ADCK2: variants seen among roughly 807,000 people sequenced by gnomAD.
The protein encoded by ADCK2 is uncharacterized aarF domain-containing protein kinase 2.
A neutral mutation model predicts 52.3 loss-of-function variants in ADCK2; 37 were observed. The ratio of observed to expected loss-of-function variants is 0.71; its 90% CI spans 0.54 to 0.93. The LOEUF is 0.93. Ranked by LOEUF, ADCK2 falls within the 40% of genes least tolerant of loss-of-function variation. The pLI is 0.00. For synonymous variants in ADCK2, 321 were observed against 349.2 expected (o/e 0.92, Z 0.90); for missense variants, 695 against 798.7 (o/e 0.87, Z 1.56).
Position 140,687,155 on chromosome 7 carries a change from C to T in ADCK2, c.1471C>T (p.Leu491=), listed in dbSNP as rs766688369. Residue 491 remains leucine, a synonymous_variant, in exon 5 of 8, where the codon CTG becomes TTG. Transcript: ENST00000072869. ...PSSLCPLRLV[L]LDAGIVAELQ... is the part of the protein sequence containing the mutation. ...TTCCCTCTGCCCGCTGCGACTGGTG[C>T]TGCTGGATGCTGGCATTGTGGCGGA... 6.2e-7 allele frequency: 1 copy of T among 1,610,898 alleles called. No homozygotes were observed.
chr7:140,674,613 GT>G lies in ADCK2; in HGVS notation c.938del (p.Leu313CysfsTer15). Reference sequence around the variant, plus strand: ...CTCACGGTTCCTCTTTCTGACAGGTGTTGCACCCTGGCCTGCTCGCTCAGGT... The same window carrying G: ...CTCACGGTTCCTCTTTCTGACAGGTGTGCACCCTGGCCTGCTCGCTCAGGT... Reference protein sequence around the residue: ...TNLISVAVKVLHPGLLAQVHM... With the variant: ...TNLISVAVKVXHPGLLAQVHM... On this transcript the variant is annotated frameshift_variant, in exon 2 of 8. Coordinates refer to ENST00000072869, the MANE Select transcript of ADCK2 (RefSeq NM_052853.4). LOFTEE classifies it high-confidence loss of function. This position sits in a 1 kb window ranked among gnomAD's most constrained non-coding sequence, Gnocchi z 4.6. The G allele has an allele frequency of 6.2e-7, 1 of 1,612,604 alleles. No homozygotes were observed. The highest frequency in any genetic ancestry group is 2.2e-5 in the East Asian group (1 of 44,822).
intron 2 of ADCK2, among the ~76,000 whole-genome samples, chr7:140,677,176 G>A (rs1027677743): frequency 5.9e-5 from 9 of 152,172 alleles, no homozygotes; most frequent in Non-Finnish European, 1.0e-4. Flanking sequence ...GGGAGGCGGC[G>A]TCAGGTGGAT....
intron 5 of ADCK2, among the ~76,000 whole-genome samples, chr7:140,688,973 A>AT (rs1430149254): frequency 4.7e-4 from 70 of 147,686 alleles, no homozygotes; most frequent in African/African-American, 9.1e-4. Flanking sequence ...TAATTAATTA[A>AT]TTTTTTTTTT....
At chr7:140,686,524 G>A (rs767662038) in intron 4 of ADCK2, among the ~76,000 whole-genome samples, 16 of 152,134 alleles carry the variant, frequency 1.1e-4, no homozygotes, top group African/African-American at 2.7e-4. Context: ...CAAGTGATCC[G>A]CCCACCTCAG....
Position 140,674,619 on chromosome 7 carries a change from C to A in ADCK2, c.942C>A (p.His314Gln). The A allele has an allele frequency of 6.2e-7, 1 of 1,613,380 alleles. No homozygotes were observed. The highest frequency in any genetic ancestry group is 8.5e-7 in the Non-Finnish European group (1 of 1,179,770). ...GTTCCTCTTTCTGACAGGTGTTGCA[C>A]CCTGGCCTGCTCGCTCAGGTGCATA... ...NLISVAVKVL[H>Q]PGLLAQVHMD... Residue 314 changes from histidine to glutamine, a missense_variant, in exon 2 of 8, where the codon CAC becomes CAA. His to Gln is a conservative substitution (Grantham distance 24). Transcript: ENST00000072869. This position sits in a 1 kb window ranked among gnomAD's most constrained non-coding sequence, Gnocchi z 4.6.
chr7:140,691,650 C>A (rs1163071345), intron 7 of ADCK2, among the ~76,000 whole-genome samples: 2 of 152,200 alleles, frequency 1.3e-5, no homozygotes, highest in Non-Finnish European at 2.9e-5. Context: ...CTCCGGCACT[C>A]TTTAAACTAA....
Position 140,674,216 on chromosome 7 carries a change from C to T in ADCK2, c.886C>T (p.Pro296Ser), listed in dbSNP as rs1306675992. 1.4e-5 allele frequency: 22 copies of T among 1,613,766 alleles called. No homozygotes were observed. Among genetic ancestry groups the T allele is most frequent in the Non-Finnish European group, 1.8e-5 (21 of 1,179,968 alleles). The part of the protein sequence containing the change: ...SNAGVSRAQV[P>S]GHQPEATNLI... ...TGCAGGGGTGTCTCGGGCTCAGGTC[C>T]CTGGCCACCAACCTGAGGCCACCAA... The change falls in exon 1 of 8, where the codon CCT (proline) becomes TCT (serine). Residue 296 changes from proline (P) to serine (S), a missense_variant. By Grantham distance (74) the Pro-to-Ser change is moderately conservative (BLOSUM62 -1). Transcript: ENST00000072869. The surrounding 1 kb of genome is among the most constrained non-coding windows in gnomAD (Gnocchi z 4.6).
chr7:140,686,889 T>C, intron 4 of ADCK2, 101 bp from the exon 5 acceptor site: 2 of 1,485,092 alleles, frequency 1.3e-6, no homozygotes, highest in East Asian at 2.3e-5. Context: ...GCGGCTGTGA[T>C]AGAGTGCTGG....
chr7:140,674,480 G>A lies in ADCK2; in HGVS notation c.934-131G>A. Reference sequence around the variant, plus strand: ...AGTCTGGAGTGAACTAACTGCTTGGGTGTCGGGACCACATCCTCTTTTCTT... The same window carrying A: ...AGTCTGGAGTGAACTAACTGCTTGGATGTCGGGACCACATCCTCTTTTCTT... On this transcript the variant is annotated intron_variant, in intron 1 of 7. Transcript: ENST00000072869. The surrounding 1 kb of genome is among the most constrained non-coding windows in gnomAD (Gnocchi z 4.6). 7.3e-6 allele frequency: 9 copies of A among 1,225,278 alleles called. No individual in the cohort carries two copies. Among genetic ancestry groups the A allele is most frequent in the Non-Finnish European group, 1.0e-5 (9 of 899,218 alleles). The allele number at this position is 1,225,278 out of a possible 1,614,324, so 75.9% of individuals were successfully genotyped here.
At chr7:140,690,705 T>A in intron 6 of ADCK2, 55 bp from the exon 7 acceptor site, 1 of 1,552,834 alleles carries the variant, frequency 6.4e-7, no homozygotes, top group Non-Finnish European at 8.8e-7. Context: ...TGGTGGGAAA[T>A]GAGCGGTTCT....
intron 7 of ADCK2, among the ~76,000 whole-genome samples, chr7:140,692,806 A>G (rs56266803): frequency 0.028 from 4,242 of 152,374 alleles, 93 homozygotes; most frequent in Non-Finnish European, 0.041. Context: ...CATTTAATGT[A>G]GCCAGTAAGG....
chr7:140,675,733 GC>G (rs1279323765), intron 2 of ADCK2, among the ~76,000 whole-genome samples: 1 of 152,208 alleles, frequency 6.6e-6, no homozygotes, highest in Non-Finnish European at 1.5e-5. Flanking sequence ...CATTATTTCT[GC>G]CATAATCAAT....
intron 5 of ADCK2, among the ~76,000 whole-genome samples, chr7:140,687,851 C>T (rs866314667): frequency 3.4e-4 from 51 of 150,634 alleles, no homozygotes; most frequent in African/African-American, 1.1e-3. Flanking sequence ...CTACTGCAGC[C>T]TGGGTGACAG....
intron 6 of ADCK2, 80 bp downstream of exon 6, chr7:140,689,805 A>G: frequency 2.9e-6 from 4 of 1,390,486 alleles, no homozygotes; most frequent in Non-Finnish European, 3.8e-6. Flanking sequence ...TCTAAGGGAG[A>G]CCTCTTTATG....
chr7:140,694,241 G>A (rs1794757177), intron 7 of ADCK2, among the ~76,000 whole-genome samples: 1 of 152,158 alleles, frequency 6.6e-6, no homozygotes, highest in African/African-American at 2.4e-5. Context: ...CTATGATCTT[G>A]CCATTGCACT....
intron 3 of ADCK2, 146 bp downstream of exon 3, chr7:140,679,429 C>T (rs758852988): frequency 4.6e-5 from 56 of 1,227,864 alleles, no homozygotes; most frequent in Middle Eastern, 2.9e-4. Flanking sequence ...TTGGCCTCGG[C>T]GGGAGGCAGT....
At chr7:140,689,125 G>T (rs1461813080) in intron 5 of ADCK2, among the ~76,000 whole-genome samples, 1 of 151,776 alleles carries the variant, frequency 6.6e-6, no homozygotes, top group Non-Finnish European at 1.5e-5. Context: ...CCACCACCAT[G>T]CCCGGCTAAT....
Position 140,675,873 on chromosome 7 carries a change from C to G in ADCK2, c.1080+1116C>G, listed in dbSNP as rs573099899. 9.8e-5 allele frequency among the ~76,000 whole-genome samples: 15 copies of G among 152,308 alleles called. No homozygotes were observed. The East Asian group carries it at 2.5e-3, about 25-fold the overall frequency. ...CCCTTGGGACCTTTGTATAAGGATACAGACTTAGCAAACACACTGGGGTGG... is the reference window on the plus strand; with the variant it reads ...CCCTTGGGACCTTTGTATAAGGATAGAGACTTAGCAAACACACTGGGGTGG... On this transcript the variant is annotated intron_variant, in intron 2 of 7. Transcript: ENST00000072869.
chr7:140,673,435 C>T lies in ADCK2; in HGVS notation c.105C>T (p.Arg35=), dbSNP rs557689792. 1.2e-6 allele frequency: 2 copies of T among 1,605,014 alleles called. No individual in the cohort carries two copies. Among genetic ancestry groups the T allele is most frequent in the Admixed American group, 1.7e-5 (1 of 59,008 alleles). Residue 35 remains arginine (R), a synonymous_variant, in exon 1 of 8, where the codon CGC becomes CGT. Coordinates refer to ENST00000072869, the MANE Select transcript of ADCK2 (RefSeq NM_052853.4). The surrounding 1 kb of genome is among the most constrained non-coding windows in gnomAD (Gnocchi z 6.4). ...LSLLRPSECP[R]DARLCWLLLG... ...TCCTGAGGCCCTCCGAGTGCCCTCGCGATGCCAGGCTCTGCTGGCTTCTGC... is the reference window on the plus strand; with the variant it reads ...TCCTGAGGCCCTCCGAGTGCCCTCGTGATGCCAGGCTCTGCTGGCTTCTGC...
Sources: gnomAD v4.1 joint callset for allele counts (sites outside exome capture counted in the v4.1 genomes callset) on GRCh38, gnomAD v4.1.1 for gene constraint, Gnocchi (gnomAD v3.1) non-coding constraint, MANE v1.5 for transcripts, NCBI Gene and HGNC (gene_info 2026-07-23, HGNC 2026-07-21) for gene names.